Variants in EPHB1 observed in about 807,000 individuals in gnomAD.
EPHB1 encodes EPH receptor B1.
Under a neutral mutation model 94.4 loss-of-function variants are expected in EPHB1, and 30 were observed. The observed-to-expected ratio is 0.32, with a 90% CI of 0.24 to 0.43. The LOEUF (loss-of-function observed/expected upper bound fraction) is 0.43, where lower values mean the gene tolerates loss of function less well. EPHB1 is among the 20% of genes least tolerant of loss of function. The pLI, the probability that EPHB1 is intolerant of heterozygous loss-of-function variation, is 1.00. For missense variants in EPHB1, 1,055 were observed against 1,308.3 expected, an observed-to-expected ratio of 0.81 and a Z score of 2.99; for synonymous variants, 522 against 489.1, an observed-to-expected ratio of 1.07 and a Z score of -0.89.
intron 3 of EPHB1, among the ~76,000 whole-genome samples, chr3:134,965,065 A>G (rs998928135): frequency 3.9e-5 from 6 of 152,266 alleles, no homozygotes; most frequent in African/African-American, 1.4e-4. Context: ...TTAATTAAAA[A>G]GAACAGTAGC....
At chr3:134,944,544 G>GA (rs1189605116) in intron 2 of EPHB1, among the ~76,000 whole-genome samples, 1 of 152,166 alleles carries the variant, frequency 6.6e-6, no homozygotes, top group Non-Finnish European at 1.5e-5. Context: ...AGATTCTTCT[G>GA]AGTCCCCTAT....
At chr3:135,023,708 C>T (rs1245718258) in intron 3 of EPHB1, among the ~76,000 whole-genome samples, 2 of 151,912 alleles carry the variant, frequency 1.3e-5, no homozygotes, top group Non-Finnish European at 2.9e-5. Flanking sequence ...GATGGAAATC[C>T]CTGAAGGTTC....
At chr3:134,932,145 T>C (rs920400745) in intron 2 of EPHB1, among the ~76,000 whole-genome samples, 2 of 152,110 alleles carry the variant, frequency 1.3e-5, no homozygotes, top group African/African-American at 4.8e-5. Context: ...ATTATTAGAC[T>C]GAATGGAGAG....
intron 6 of EPHB1, among the ~76,000 whole-genome samples, chr3:135,159,001 C>T (rs559138153): frequency 6.6e-6 from 1 of 152,102 alleles, no homozygotes; most frequent in South Asian, 2.1e-4. Flanking sequence ...AATAACTGGA[C>T]CGAAGTTTAC....
chr3:135,099,554 G>A (rs534553961), intron 3 of EPHB1, among the ~76,000 whole-genome samples: 2 of 152,354 alleles, frequency 1.3e-5, no homozygotes, highest in South Asian at 2.1e-4. Flanking sequence ...AGGAATCCCA[G>A]TGCAGAAACC....
intron 2 of EPHB1, among the ~76,000 whole-genome samples, chr3:134,938,399 T>C (rs2039050473): frequency 6.6e-6 from 1 of 152,198 alleles, no homozygotes; most frequent in Non-Finnish European, 1.5e-5. Context: ...TGTGTGCCCT[T>C]CAGAGCTCGT....
At chr3:135,075,531 A>G (rs539949407) in intron 3 of EPHB1, among the ~76,000 whole-genome samples, 2 of 152,268 alleles carry the variant, frequency 1.3e-5, no homozygotes, top group South Asian at 4.2e-4. Flanking sequence ...AGATGATGAA[A>G]TGTCTCTTTC....
At chr3:135,069,720 C>G (rs1408704355) in intron 3 of EPHB1, among the ~76,000 whole-genome samples, 1 of 152,084 alleles carries the variant, frequency 6.6e-6, no homozygotes, top group African/African-American at 2.4e-5. Context: ...GATCACAGGC[C>G]ACTCACTGAA....
At chr3:134,939,384 G>T (rs947127302) in intron 2 of EPHB1, among the ~76,000 whole-genome samples, 1 of 151,802 alleles carries the variant, frequency 6.6e-6, no homozygotes, top group Non-Finnish European at 1.5e-5. Context: ...TGGGGGGTGG[G>T]GGGGTGGCAT....
chr3:135,210,200 C>T (rs1441807438), intron 12 of EPHB1, among the ~76,000 whole-genome samples: 3 of 152,222 alleles, frequency 2.0e-5, no homozygotes, highest in Admixed American at 1.3e-4. Context: ...AGCACAGAGG[C>T]ACAGACTCAT....
rs537217707 is a variant in EPHB1 at position 134,999,958 on chromosome 3, A to G, written c.805+47906A>G. Among the ~76,000 whole-genome samples, 3 of 152,276 alleles carry G rather than the reference A, an allele frequency of 2.0e-5. No individual in the cohort carries two copies. The South Asian group carries it at 6.2e-4, about 32-fold the overall frequency. The stretch of plus-strand genomic sequence containing the variant: ...CCATACTTCTGTCTCCAAAGATGTT[A>G]AGTACATAGGCTGCAGGCACACAAT... On this transcript the variant is annotated intron_variant, in intron 3 of 15. Coordinates refer to ENST00000398015, the MANE Select transcript of EPHB1 (RefSeq NM_004441.5).
At chr3:134,829,823 T>C (rs1270513905) in intron 1 of EPHB1, among the ~76,000 whole-genome samples, 1 of 152,146 alleles carries the variant, frequency 6.6e-6, no homozygotes, top group Non-Finnish European at 1.5e-5. Flanking sequence ...GACGCAGACA[T>C]GCACACAGGG....
chr3:135,050,360 A>G (rs1409595902), intron 3 of EPHB1, among the ~76,000 whole-genome samples: 1 of 152,242 alleles, frequency 6.6e-6, no homozygotes, highest in African/African-American at 2.4e-5. Context: ...GACATAATGT[A>G]CAGCATAGTT....
chr3:134,836,822 C>T (rs193246378), intron 1 of EPHB1, among the ~76,000 whole-genome samples: 7 of 152,198 alleles, frequency 4.6e-5, no homozygotes, highest in African/African-American at 9.6e-5. Flanking sequence ...ATTCATTGAC[C>T]GGAAAAGAAA....
chr3:135,200,503 T>C (rs1942724862), intron 11 of EPHB1, among the ~76,000 whole-genome samples: 1 of 152,198 alleles, frequency 6.6e-6, no homozygotes. Context: ...AGCCCTGGGA[T>C]TACCCAGAGA....
intron 3 of EPHB1, among the ~76,000 whole-genome samples, chr3:134,967,222 A>C (rs1015854224): frequency 6.6e-6 from 1 of 152,204 alleles, no homozygotes; most frequent in Non-Finnish European, 1.5e-5. Flanking sequence ...TTCTGATTTC[A>C]TGGAGTGTAA....
At chr3:135,227,088 A>C (rs938109238) in intron 12 of EPHB1, among the ~76,000 whole-genome samples, 1 of 152,228 alleles carries the variant, frequency 6.6e-6, no homozygotes, top group Non-Finnish European at 1.5e-5. Context: ...TTTGGGTCCA[A>C]TATACCCATG....
intron 15 of EPHB1, among the ~76,000 whole-genome samples, chr3:135,249,843 A>G (rs1484232071): frequency 6.6e-6 from 1 of 152,216 alleles, no homozygotes; most frequent in East Asian, 1.9e-4. Context: ...AACAGCAGGA[A>G]AAGCATTGCA....
intron 3 of EPHB1, among the ~76,000 whole-genome samples, chr3:134,958,687 G>A (rs1356273335): frequency 5.3e-5 from 8 of 152,046 alleles, no homozygotes; most frequent in Non-Finnish European, 7.4e-5. Context: ...GAAACCTCTC[G>A]GGCCTCCTCT....
Sources: allele counts gnomAD v4.1 joint callset (sites outside exome capture counted in the v4.1 genomes callset), GRCh38; gene constraint gnomAD v4.1.1; transcripts MANE v1.5; gene names NCBI Gene and HGNC (gene_info 2026-07-23, HGNC 2026-07-21).